The following FMN2 variants were observed in gnomAD, a reference collection of about 807,000 sequenced individuals.
The protein encoded by FMN2 is formin 2, also known as formin-2.
FMN2 carries 51 observed loss-of-function variants against 142.3 expected under a neutral mutation model. That is an observed-to-expected ratio of 0.36 (90% CI 0.29 to 0.45). The LOEUF is 0.45. Ranked by LOEUF, FMN2 falls within the 20% of genes least tolerant of loss-of-function variation. FMN2 has a pLI of 1.00. For synonymous variants in FMN2, 882 were observed against 869.8 expected, an observed-to-expected ratio of 1.01 and a Z score of -0.25; for missense variants, 1,936 against 2,122.8, an observed-to-expected ratio of 0.91 and a Z score of 1.73.
chr1:240,214,820 C>T (rs1247400459), intron 6 of FMN2, among the ~76,000 whole-genome samples: 1 of 152,152 alleles, frequency 6.6e-6, no homozygotes, highest in Non-Finnish European at 1.5e-5. Flanking sequence ...AATCCTAGCA[C>T]TTTGGGAGGC....
chr1:240,148,413 C>T (rs1273975788), intron 2 of FMN2, among the ~76,000 whole-genome samples: 1 of 147,728 alleles, frequency 6.8e-6, no homozygotes, highest in Non-Finnish European at 1.5e-5. Flanking sequence ...GAGACAGAGA[C>T]AGACAGGAAA....
intron 15 of FMN2, among the ~76,000 whole-genome samples, chr1:240,424,281 A>G (rs949567519): frequency 2.0e-5 from 3 of 152,196 alleles, no homozygotes; most frequent in East Asian, 3.8e-4. Flanking sequence ...TTTTATTTCC[A>G]TATAAATAAA....
At chr1:240,181,473 T>C (rs1404729038) in intron 3 of FMN2, among the ~76,000 whole-genome samples, 3 of 152,216 alleles carry the variant, frequency 2.0e-5, no homozygotes, top group East Asian at 1.9e-4. Flanking sequence ...TCCTCCTTTA[T>C]GGATTGGTGA....
chr1:240,246,066 G>A (rs1179196888), intron 6 of FMN2, among the ~76,000 whole-genome samples: 1 of 152,190 alleles, frequency 6.6e-6, no homozygotes, highest in African/African-American at 2.4e-5. Context: ...TGTAGTCCCA[G>A]CTACTCGGGA....
intron 15 of FMN2, among the ~76,000 whole-genome samples, chr1:240,427,640 G>A (rs73128230): frequency 0.067 from 10,254 of 152,168 alleles, 1,148 homozygotes; most frequent in African/African-American, 0.23. Context: ...AAATTGATTC[G>A]TTGAAGAAAT....
intron 16 of FMN2, among the ~76,000 whole-genome samples, chr1:240,465,384 G>C (rs7516973): frequency 0.35 from 44,773 of 128,946 alleles, 7,478 homozygotes; most frequent in African/African-American, 0.46. Context: ...GTGTGTGTGT[G>C]TGTCTGTCTT....
chr1:240,274,874 A>C (rs889499037), intron 7 of FMN2, among the ~76,000 whole-genome samples: 1 of 152,142 alleles, frequency 6.6e-6, no homozygotes, highest in Non-Finnish European at 1.5e-5. Context: ...ATTTACTGAG[A>C]TAGGGAAAAC....
chr1:240,174,283 A>G (rs1339734471), intron 2 of FMN2, among the ~76,000 whole-genome samples: 1 of 152,210 alleles, frequency 6.6e-6, no homozygotes, highest in Non-Finnish European at 1.5e-5. Flanking sequence ...TGTAGCTAAA[A>G]TAGGTATCAT....
chr1:240,379,308 AG>A (rs1183525916), intron 14 of FMN2, among the ~76,000 whole-genome samples: 8 of 151,640 alleles, frequency 5.3e-5, no homozygotes, highest in Non-Finnish European at 8.8e-5. Flanking sequence ...GCCCTGTAAA[AG>A]CTTTGGGAAT....
chr1:240,172,485 CAA>C (rs1664747319), intron 2 of FMN2, among the ~76,000 whole-genome samples: 1 of 152,024 alleles, frequency 6.6e-6, no homozygotes, highest in African/African-American at 2.4e-5. Flanking sequence ...AAATTCAAAA[CAA>C]ATAGTATTCA....
intron 2 of FMN2, among the ~76,000 whole-genome samples, chr1:240,165,590 A>G (rs142210319): frequency 1.6e-3 from 241 of 148,364 alleles, no homozygotes; most frequent in African/African-American, 5.6e-3. Context: ...CTGTTTTCCT[A>G]TTGATTTTTG....
chr1:240,262,780 G>C, intron 7 of FMN2, among the ~76,000 whole-genome samples: 1 of 36,210 alleles, frequency 2.8e-5, no homozygotes, highest in Non-Finnish European at 5.6e-5. Context: ...TTTTTTTTTT[G>C]AGACAGAGTC....
chr1:240,170,862 G>A, intron 2 of FMN2: 1 of 812,872 alleles, frequency 1.2e-6, no homozygotes, highest in Non-Finnish European at 2.2e-6. Context: ...AATTTCCAAG[G>A]GCTAAAGAGT....
intron 7 of FMN2, among the ~76,000 whole-genome samples, chr1:240,284,760 G>A (rs1055280416): frequency 5.3e-5 from 8 of 152,044 alleles, no homozygotes; most frequent in African/African-American, 1.7e-4. Flanking sequence ...CCTTAAAAAC[G>A]TAAAAACTAA....
rs1003577211 is a variant in FMN2, at chr1:240,355,847, G to A, written c.4797G>A (p.Gln1599=). 5 of 1,608,134 alleles carry A rather than the reference G, an allele frequency of 3.1e-6. No homozygotes were observed. Among genetic ancestry groups the A allele is most frequent in the African/African-American group, 1.3e-5 (1 of 74,354 alleles). Reference sequence around the variant, plus strand: ...AAGTTGAAGCAGGGAAAGTATACCAGGTCTCCTCAAAAGAGCATATGCAGC... The same window carrying A: ...AAGTTGAAGCAGGGAAAGTATACCAAGTCTCCTCAAAAGAGCATATGCAGC... The part of the protein sequence containing the change: ...ACEVEAGKVY[Q]VSSKEHMQPF... Residue 1599 remains glutamine, a synonymous_variant, in exon 14 of 18, where the codon CAG becomes CAA. Coordinates refer to ENST00000319653, the MANE Select transcript of FMN2 (RefSeq NM_020066.5).
At chr1:240,215,801 C>T (rs1241750200) in intron 6 of FMN2, among the ~76,000 whole-genome samples, 14 of 152,042 alleles carry the variant, frequency 9.2e-5, no homozygotes, top group African/African-American at 2.2e-4. Context: ...CTCCCCCTCC[C>T]GGGTTCAAGC....
chr1:240,335,850 G>A (rs1671536209), intron 13 of FMN2, among the ~76,000 whole-genome samples: 1 of 152,092 alleles, frequency 6.6e-6, no homozygotes, highest in Admixed American at 6.6e-5. Context: ...GGTTTGAAAA[G>A]GACAAGCAGC....
chr1:240,282,599 G>A (rs145687222), intron 7 of FMN2, among the ~76,000 whole-genome samples: 27 of 152,308 alleles, frequency 1.8e-4, no homozygotes, highest in African/African-American at 6.3e-4. Context: ...AGGGTTTCAG[G>A]TGTATGTTAA....
chr1:240,226,843 C>T (rs1572090454), intron 6 of FMN2, among the ~76,000 whole-genome samples: 1 of 152,048 alleles, frequency 6.6e-6, no homozygotes, highest in Non-Finnish European at 1.5e-5. Flanking sequence ...CATACACACA[C>T]ACACACAAAT....
Sources: allele counts gnomAD v4.1 joint callset (sites outside exome capture counted in the v4.1 genomes callset), GRCh38; gene constraint gnomAD v4.1.1; transcripts MANE v1.5; gene names NCBI Gene and HGNC (gene_info 2026-07-23, HGNC 2026-07-21).